EXOC3L4: variants seen among roughly 807,000 people sequenced by gnomAD.
EXOC3L4 encodes the protein exocyst complex component 3-like protein 4.
EXOC3L4 carries 62 observed loss-of-function variants against 69.7 expected under a neutral mutation model. The observed-to-expected ratio is 0.89, with a 90% CI of 0.72 to 1.10. The LOEUF is 1.10. Among genes scored for constraint, EXOC3L4 ranks in the 50% least tolerant of loss-of-function variants. The pLI is 0.00. For synonymous variants in EXOC3L4, 502 were observed against 464.2 expected, an observed-to-expected ratio of 1.08 and a Z score of -1.05; for missense variants, 1,087 against 1,034.8, an observed-to-expected ratio of 1.05 and a Z score of -0.69.
Position 103,108,669 on chromosome 14 carries a change from G to A in EXOC3L4, c.1976+152G>A, listed in dbSNP as rs1890723857. 3.7e-6 allele frequency: 4 copies of A among 1,093,920 alleles called. No individual in the cohort carries two copies. The African/African-American group carries it at 4.7e-5, about 13-fold the overall frequency. The allele number at this position is 1,093,920 out of a possible 1,614,324, so 67.8% of individuals were successfully genotyped here. ...CTTGGACCCTCAGACCCTCAAGGCTGGAGGGGGAATGGAGAGAGCCCCTTC... is the reference window on the plus strand; with the variant it reads ...CTTGGACCCTCAGACCCTCAAGGCTAGAGGGGGAATGGAGAGAGCCCCTTC... On this transcript the variant is annotated intron_variant, in intron 11 of 11. Transcript: ENST00000688303.
chr14:103,098,357 C>A (rs1889991937), intron 1 of EXOC3L4, among the ~76,000 whole-genome samples: 1 of 151,710 alleles, frequency 6.6e-6, no homozygotes, highest in East Asian at 1.9e-4. Context: ...CGTGGCAGGT[C>A]CCGCCTCTGC....
Position 103,104,727 on chromosome 14 carries a change from T to A in EXOC3L4, c.1285-11T>A. 6.7e-7 allele frequency: 1 copy of A among 1,491,330 alleles called. No individual in the cohort carries two copies. The highest frequency in any genetic ancestry group is 1.4e-5 in the African/African-American group (1 of 71,180). The allele number at this position is 1,491,330 out of a possible 1,614,324, so 92.4% of individuals were successfully genotyped here. On this transcript the variant is annotated splice_polypyrimidine_tract_variant and intron_variant, in intron 5 of 11. Transcript: ENST00000688303. ...CTGGGAGGCACGCTCAGTGCGGGGC[T>A]TCGCTCGCAGCTCGTGGCCGAGCAC...
chr14:103,107,701 G>A lies in EXOC3L4; in HGVS notation c.1772G>A (p.Arg591Gln), dbSNP rs1000855439. 6.5e-5 allele frequency: 101 copies of A among 1,553,988 alleles called. No homozygotes were observed. Among genetic ancestry groups the A allele is most frequent in the Non-Finnish European group, 7.8e-5 (90 of 1,147,846 alleles). Residue 591 changes from arginine to glutamine, a missense_variant, in exon 10 of 12, where the codon CGG (arginine) becomes CAG (glutamine). Coordinates refer to ENST00000688303, the MANE Select transcript of EXOC3L4 (RefSeq NM_001077594.2). ...YLARALRPRERFRGMERMHGS... is the reference protein window; with the variant it reads ...YLARALRPREQFRGMERMHGS... ...GCGCGGGCGCTGAGGCCACGGGAGCGGTTCCGGGGCATGGAGCGCATGCAT... is the reference window on the plus strand; with the variant it reads ...GCGCGGGCGCTGAGGCCACGGGAGCAGTTCCGGGGCATGGAGCGCATGCAT...
intron 8 of EXOC3L4, among the ~76,000 whole-genome samples, 170 bp from the exon 9 acceptor site, chr14:103,107,254 T>C (rs1204352193): frequency 1.3e-5 from 2 of 152,068 alleles, no homozygotes; most frequent in African/African-American, 4.8e-5. Context: ...GCTTGGGGCC[T>C]GGGAGAGGCA....
chr14:103,104,383 C>T lies in EXOC3L4; in HGVS notation c.1278C>T (p.Val426=). ...GLYQAPLSMD[V]HMLVAEHVKA... ...ACCAGGCGCCGCTGTCCATGGACGT[C>T]CATATGGTGCGGCCCGGGAGCAGGG... The change falls in exon 5 of 12, where the codon GTC becomes GTT. Residue 426 remains valine (V), a synonymous_variant. Transcript: ENST00000688303. 4.4e-6 allele frequency: 7 copies of T among 1,573,626 alleles called. No individual in the cohort carries two copies. The highest frequency in any genetic ancestry group is 6.0e-6 in the Non-Finnish European group (7 of 1,161,234).
intron 3 of EXOC3L4, among the ~76,000 whole-genome samples, chr14:103,102,974 A>T (rs1890295589): frequency 6.6e-6 from 1 of 152,220 alleles, no homozygotes; most frequent in Admixed American, 6.5e-5. Flanking sequence ...GGGGTCACCC[A>T]TACACAGTTC....
rs1890226181 is a variant in EXOC3L4, at chr14:103,102,234, G to C, written c.511G>C (p.Asp171His). 4 of 1,590,708 alleles carry C rather than the reference G, an allele frequency of 2.5e-6. No individual in the cohort carries two copies. The highest frequency in any genetic ancestry group is 3.4e-6 in the Non-Finnish European group (4 of 1,169,518). Residue 171 changes from aspartate to histidine, a missense_variant, in exon 3 of 12, where the codon GAC becomes CAC. Coordinates refer to ENST00000688303, the MANE Select transcript of EXOC3L4 (RefSeq NM_001077594.2). ...GAAGGCCTCGCGCACCTTTGAGCAG[G>C]ACCCTACGGCCTTCGCGCGGCGCGC... is the stretch of plus-strand genomic sequence containing the variant. The part of the protein sequence containing the change: ...AEKASRTFEQ[D>H]PTAFARRAMD...
intron 2 of EXOC3L4, 70 bp downstream of exon 2, chr14:103,100,683 T>C (rs61418148): frequency 0.25 from 377,101 of 1,485,728 alleles, 49,621 homozygotes; most frequent in African/African-American, 0.43. Flanking sequence ...TCAGCTGAGG[T>C]TTCCGGAAAG....
In EXOC3L4 at chr14:103,102,538, C is replaced by G; in HGVS notation, c.815C>G (p.Ala272Gly). 1 of 1,410,292 alleles carries G rather than the reference C, an allele frequency of 7.1e-7. No individual in the cohort carries two copies. The highest frequency in any genetic ancestry group is 9.2e-7 in the Non-Finnish European group (1 of 1,085,828). 87.4% of individuals were successfully genotyped at this position (1,410,292 alleles called of 1,614,324 possible). ...AGWAFGEAEGASGLAQLLAEL... is the reference protein window; with the variant it reads ...AGWAFGEAEGGSGLAQLLAEL... ...TGGGCCTTCGGGGAGGCGGAGGGCGCGTCGGGTTTGGCCCAGCTTCTGGCC... is the reference window on the plus strand; with the variant it reads ...TGGGCCTTCGGGGAGGCGGAGGGCGGGTCGGGTTTGGCCCAGCTTCTGGCC... The change falls in exon 3 of 12, where the codon GCG (alanine) becomes GGG (glycine). Residue 272 changes from alanine to glycine, a missense_variant. Physicochemically the swap from Ala to Gly is moderately conservative, Grantham distance 60 (BLOSUM62 0). Coordinates refer to ENST00000688303, the MANE Select transcript of EXOC3L4 (RefSeq NM_001077594.2).
chr14:103,104,868 C>G, intron 6 of EXOC3L4, 30 bp downstream of exon 6: 1 of 1,521,868 alleles, frequency 6.6e-7, no homozygotes, highest in Non-Finnish European at 8.9e-7. Context: ...AGGGGAGCGA[C>G]CTGGCCGGGT....
chr14:103,104,209 G>A (rs1489037188), intron 4 of EXOC3L4, 58 bp from the exon 5 acceptor site: 4 of 1,485,334 alleles, frequency 2.7e-6, no homozygotes, highest in Middle Eastern at 5.0e-4. Context: ...CCTCATCCCG[G>A]ACGGCGCGGG....
intron 11 of EXOC3L4, 119 bp downstream of exon 11, chr14:103,108,636 A>G: frequency 7.2e-7 from 1 of 1,395,662 alleles, no homozygotes; most frequent in Admixed American, 2.2e-5. Flanking sequence ...CAGAGGCAGG[A>G]GGTAGGCCTT....
In EXOC3L4 at chr14:103,102,323, G is replaced by C; in HGVS notation, c.600G>C (p.Thr200=). ...AAEIGAIVRE[T]LDSDGVDAAA... is the part of the protein sequence containing the mutation. Reference sequence around the variant, plus strand: ...AGATCGGCGCCATCGTGCGCGAGACGCTGGACAGCGACGGTGTGGACGCGG... The same window carrying C: ...AGATCGGCGCCATCGTGCGCGAGACCCTGGACAGCGACGGTGTGGACGCGG... The change falls in exon 3 of 12, where the codon ACG becomes ACC. Residue 200 remains threonine (T), a synonymous_variant. Coordinates refer to ENST00000688303, the MANE Select transcript of EXOC3L4 (RefSeq NM_001077594.2). 1 of 1,566,230 alleles carries C rather than the reference G, an allele frequency of 6.4e-7. No individual in the cohort carries two copies. The highest frequency in any genetic ancestry group is 8.6e-7 in the Non-Finnish European group (1 of 1,162,160).
Position 103,103,797 on chromosome 14 carries a change from C to CGTGTGT in EXOC3L4, c.1050-117_1050-112dup, listed in dbSNP as rs56147384. Reference sequence around the variant, plus strand: ...GCATGGCAGCCTAGAGGCGCGCGCGCGTGTGTGTGTGTGTGTGTGTGTGTG... The same window carrying CGTGTGT: ...GCATGGCAGCCTAGAGGCGCGCGCGCGTGTGTGTGTGTGTGTGTGTGTGTGTGTGTG... On this transcript the variant is annotated intron_variant, in intron 3 of 11. Coordinates refer to ENST00000688303, the MANE Select transcript of EXOC3L4 (RefSeq NM_001077594.2). 9.2e-3 allele frequency: 3,981 copies of CGTGTGT among 432,042 alleles called. 5 individuals are homozygous for CGTGTGT. The highest frequency in any genetic ancestry group is 0.042 in the East Asian group (1,010 of 24,334). The allele number at this position is 432,042 out of a possible 1,614,324, so 26.8% of individuals were successfully genotyped here.
chr14:103,105,158 G>A, intron 7 of EXOC3L4, 86 bp downstream of exon 7: 2 of 1,363,370 alleles, frequency 1.5e-6, no homozygotes, highest in Non-Finnish European at 2.0e-6. Context: ...GGGAGTGCGC[G>A]CGCGTGGAGG....
rs1890473109 is a variant in EXOC3L4, at chr14:103,105,174, G to A, written c.1466+102G>A. On this transcript the variant is annotated intron_variant, in intron 7 of 11. Coordinates refer to ENST00000688303, the MANE Select transcript of EXOC3L4 (RefSeq NM_001077594.2). ...GGAGTGCGCGCGCGTGGAGGGGGCA[G>A]AGGTGAGGAGTGTGTGTGTGTGTTT... 4 of 1,161,940 alleles carry A rather than the reference G, an allele frequency of 3.4e-6. No individual in the cohort carries two copies. The African/African-American group carries it at 6.2e-5, about 18-fold the overall frequency. 72.0% of individuals were successfully genotyped at this position (1,161,940 alleles called of 1,614,324 possible). A position where few individuals can be genotyped will look rare whatever the true frequency, so the allele number is the denominator to read the frequency against.
chr14:103,102,346 C>T lies in EXOC3L4; in HGVS notation c.623C>T (p.Ala208Val), dbSNP rs1566947689. The T allele has an allele frequency of 6.4e-7, 1 of 1,561,592 alleles. No homozygotes were observed. ...RETLDSDGVD[A>V]AALAELARVV... ...ACGCTGGACAGCGACGGTGTGGACG[C>T]GGCCGCGCTGGCCGAGCTGGCCCGC... Residue 208 changes from alanine to valine, a missense_variant, in exon 3 of 12, where the codon GCG (alanine) becomes GTG (valine). Transcript: ENST00000688303.
chr14:103,107,819 C>T (rs961361825), intron 10 of EXOC3L4, 36 bp downstream of exon 10: 51 of 1,476,698 alleles, frequency 3.5e-5, no homozygotes, highest in Non-Finnish European at 4.3e-5. Flanking sequence ...GTGCTCGCCT[C>T]TGTGTGGGGA....
Position 103,102,519 on chromosome 14 carries a change from T to G in EXOC3L4, c.796T>G (p.Phe266Val), listed in dbSNP as rs1798905729. ...RVRRPGAGWA[F>V]GEAEGASGLA... ...GCGGCGGCCGGGCGCGGGGTGGGCC[T>G]TCGGGGAGGCGGAGGGCGCGTCGGG... Residue 266 changes from phenylalanine (F) to valine (V), a missense_variant, in exon 3 of 12, where the codon TTC becomes GTC. Coordinates refer to ENST00000688303, the MANE Select transcript of EXOC3L4 (RefSeq NM_001077594.2). 11 of 1,394,802 alleles carry G rather than the reference T, an allele frequency of 7.9e-6. No individual in the cohort carries two copies. The East Asian group carries it at 9.1e-5, about 12-fold the overall frequency. The allele number at this position is 1,394,802 out of a possible 1,614,324, so 86.4% of individuals were successfully genotyped here.
Sources: allele counts gnomAD v4.1 joint callset (sites outside exome capture counted in the v4.1 genomes callset), GRCh38; gene constraint gnomAD v4.1.1; transcripts MANE v1.5; gene names NCBI Gene and HGNC (gene_info 2026-07-23, HGNC 2026-07-21).